The following OSBPL9 variants were observed in gnomAD, a reference collection of about 807,000 sequenced individuals.
The protein encoded by OSBPL9 is oxysterol binding protein like 9, also known as oxysterol-binding protein-related protein 9.
Under a neutral mutation model 106.6 loss-of-function variants are expected in OSBPL9, and 40 were observed. That is an observed-to-expected ratio of 0.38 (90% CI 0.29 to 0.49). The LOEUF is 0.49. Ranked by LOEUF, OSBPL9 falls within the 20% of genes least tolerant of loss-of-function variation. The pLI, the probability that OSBPL9 is intolerant of heterozygous loss-of-function variation, is 0.97. For missense variants in OSBPL9, 609 were observed against 887.2 expected, an observed-to-expected ratio of 0.69 and a Z score of 3.98; for synonymous variants, 269 against 295.4, an observed-to-expected ratio of 0.91 and a Z score of 0.92.
At chr1:51,777,761 G>A (rs902911580) in intron 15 of OSBPL9, among the ~76,000 whole-genome samples, 1 of 151,958 alleles carries the variant, frequency 6.6e-6, no homozygotes, top group Non-Finnish European at 1.5e-5. Context: ...TATTAGTAAC[G>A]TGTAAGCAAA....
chr1:51,741,602 C>T (rs1239967203), intron 4 of OSBPL9, among the ~76,000 whole-genome samples: 1 of 151,056 alleles, frequency 6.6e-6, no homozygotes, highest in Admixed American at 6.6e-5. Flanking sequence ...TACCCTGTGC[C>T]CAGGCTAGAG....
intron 4 of OSBPL9, among the ~76,000 whole-genome samples, chr1:51,727,586 G>A (rs1571354780): frequency 6.6e-6 from 1 of 152,322 alleles, no homozygotes; most frequent in Non-Finnish European, 1.5e-5. Context: ...GTTCCCAGGT[G>A]ATGGAAAATA....
At chr1:51,632,115 G>A (rs542955116) in intron 1 of OSBPL9, among the ~76,000 whole-genome samples, 14 of 151,950 alleles carry the variant, frequency 9.2e-5, no homozygotes, top group South Asian at 2.1e-4. Context: ...ATATATACAC[G>A]TATATATAAA....
At chr1:51,545,152 T>C in the OSBPL9 span, among the ~76,000 whole-genome samples, 3 of 152,078 alleles carry the variant, frequency 2.0e-5, no homozygotes, top group Admixed American at 2.0e-4. Context: ...CCCAGAGACA[T>C]ACTTAAAGAG....
At chr1:51,627,637 A>G (rs909935975) in intron 1 of OSBPL9, among the ~76,000 whole-genome samples, 23 of 151,902 alleles carry the variant, frequency 1.5e-4, no homozygotes, top group Non-Finnish European at 3.4e-4. Context: ...TTGAATTTAC[A>G]TATGAATTTT....
At chr1:51,597,423 A>ATATATG (rs1405804661) in intron 1 of OSBPL9, among the ~76,000 whole-genome samples, 10 of 135,840 alleles carry the variant, frequency 7.4e-5, no homozygotes, top group African/African-American at 2.6e-4. Flanking sequence ...ATATATATAT[A>ATATATG]TGTGTGTGTG....
intron 2 of OSBPL9, among the ~76,000 whole-genome samples, chr1:51,663,734 T>A (rs1393504911): frequency 6.6e-6 from 1 of 152,218 alleles, no homozygotes; most frequent in African/African-American, 2.4e-5. Context: ...AGTAGATACT[T>A]GCTTAATTTA....
intron 1 of OSBPL9, among the ~76,000 whole-genome samples, chr1:51,649,654 T>C (rs1417299867): frequency 6.6e-6 from 1 of 151,968 alleles, no homozygotes; most frequent in African/African-American, 2.4e-5. Context: ...CTTCCTTCCC[T>C]GATCTTTTTC....
At chr1:51,607,279 ATCC>A (rs1643955705) in intron 2 of OSBPL9, among the ~76,000 whole-genome samples, 2 of 149,050 alleles carry the variant, frequency 1.3e-5, no homozygotes, top group South Asian at 4.2e-4. Context: ...CTCCTGCCTC[ATCC>A]TCCTGAGTAG....
chr1:51,586,323 T>C (rs1193270721), intron 1 of OSBPL9, among the ~76,000 whole-genome samples: 1 of 152,132 alleles, frequency 6.6e-6, no homozygotes, highest in African/African-American at 2.4e-5. Flanking sequence ...TGCACAAATA[T>C]ATTTTACAGT....
At chr1:51,778,730 G>GC (rs955792896) in intron 15 of OSBPL9, among the ~76,000 whole-genome samples, 22 of 151,052 alleles carry the variant, frequency 1.5e-4, no homozygotes, top group African/African-American at 2.4e-4. Context: ...CCACCTCCCC[G>GC]CCCCCCCAAA....
chr1:51,607,512 A>G (rs1368344262), intron 2 of OSBPL9, among the ~76,000 whole-genome samples: 2 of 152,118 alleles, frequency 1.3e-5, no homozygotes, highest in East Asian at 1.9e-4. Context: ...GTAGATAGGT[A>G]TATTTTTTAT....
At chr1:51,739,254 A>C (rs1383824847) in intron 4 of OSBPL9, among the ~76,000 whole-genome samples, 2 of 152,040 alleles carry the variant, frequency 1.3e-5, no homozygotes, top group Non-Finnish European at 2.9e-5. Flanking sequence ...CCAATTGAAA[A>C]AAAATTCAGC....
intron 4 of OSBPL9, among the ~76,000 whole-genome samples, chr1:51,716,299 C>T (rs1393555929): frequency 6.6e-6 from 1 of 152,208 alleles, no homozygotes; most frequent in Non-Finnish European, 1.5e-5. Context: ...AAGAACTTCA[C>T]TCTAGAGCCA....
the OSBPL9 span, among the ~76,000 whole-genome samples, chr1:51,546,141 A>T: frequency 2.0e-5 from 3 of 151,886 alleles, no homozygotes; most frequent in Non-Finnish European, 2.9e-5. Context: ...CTCAGCCCCC[A>T]AGTAGCTGGG....
intron 1 of OSBPL9, among the ~76,000 whole-genome samples, chr1:51,585,316 A>G (rs1645241569): frequency 6.6e-6 from 1 of 152,186 alleles, no homozygotes; most frequent in Non-Finnish European, 1.5e-5. Context: ...ATGTGACCTC[A>G]AATTAGTTGA....
At chr1:51,673,892 T>G (rs886265454) in intron 3 of OSBPL9, among the ~76,000 whole-genome samples, 15 of 151,680 alleles carry the variant, frequency 9.9e-5, no homozygotes, top group Admixed American at 2.6e-4. Context: ...AAAAAAGTTT[T>G]TTTTTTTTTT....
intron 9 of OSBPL9, chr1:51,756,567 T>C: frequency 3.7e-6 from 2 of 540,910 alleles, no homozygotes; most frequent in Admixed American, 3.2e-5. Flanking sequence ...TAAGTGTGGG[T>C]TCAGATTGAA....
intron 1 of OSBPL9, among the ~76,000 whole-genome samples, chr1:51,643,066 G>A (rs1645909584): frequency 6.6e-6 from 1 of 152,192 alleles, no homozygotes; most frequent in Admixed American, 6.5e-5. Context: ...TCATAACATG[G>A]TGGAGGGCAT....
Sources: gnomAD v4.1 joint callset for allele counts (sites outside exome capture counted in the v4.1 genomes callset) on GRCh38, gnomAD v4.1.1 for gene constraint, MANE v1.5 for transcripts, NCBI Gene and HGNC (gene_info 2026-07-23, HGNC 2026-07-21) for gene names.